The following RTL4 variants were observed in gnomAD, a reference collection of about 807,000 sequenced individuals.
The protein encoded by RTL4 is retrotransposon Gag like 4, also known as retrotransposon Gag-like protein 4.
A neutral mutation model predicts 5.3 loss-of-function variants in RTL4; 4 were observed. The observed-to-expected ratio is 0.75, with a 90% CI of 0.37 to 1.72. The LOEUF (loss-of-function observed/expected upper bound fraction) is 1.72. Among genes scored for constraint, RTL4 ranks in the 40% most tolerant of loss-of-function variants. The pLI, the probability that RTL4 is intolerant of heterozygous loss-of-function variation, is 0.04. For missense variants in RTL4, 260 were observed against 227.1 expected (o/e 1.14, Z -0.93); for synonymous variants, 98 against 87.3 (o/e 1.12, Z -0.68).
At chrX:112,390,150 T>C in the RTL4 span, among the ~76,000 whole-genome samples, 1 of 53,466 alleles carries the variant, frequency 1.9e-5, no homozygotes, top group East Asian at 6.4e-4. Flanking sequence ...TATATATATA[T>C]ATATATATAT....
At chrX:112,164,516 C>T in the RTL4 span, among the ~76,000 whole-genome samples, 1 of 112,417 alleles carries the variant, frequency 8.9e-6, no homozygotes, top group African/African-American at 3.2e-5. Context: ...TGGTTTCTCT[C>T]TGACTTTCCC....
chrX:112,373,950 T>C, the RTL4 span, among the ~76,000 whole-genome samples: 1 of 111,151 alleles, frequency 9.0e-6, no homozygotes, highest in African/African-American at 3.3e-5. Flanking sequence ...ATCCATGTTT[T>C]ATCAGTAGTT....
the RTL4 span, among the ~76,000 whole-genome samples, chrX:112,191,103 G>A: frequency 8.9e-6 from 1 of 112,397 alleles, no homozygotes; most frequent in Non-Finnish European, 1.9e-5. Context: ...CAATGAACTA[G>A]TGAGTGGCAA....
the RTL4 span, among the ~76,000 whole-genome samples, chrX:112,103,755 A>C: frequency 4.5e-5 from 5 of 110,727 alleles, no homozygotes; most frequent in Non-Finnish European, 9.5e-5. Context: ...ATTATTATTT[A>C]TTATTTATTT....
At chrX:112,306,940 T>G in the RTL4 span, among the ~76,000 whole-genome samples, 1 of 111,334 alleles carries the variant, frequency 9.0e-6, no homozygotes, top group Non-Finnish European at 1.9e-5. Flanking sequence ...CTTCCTGACC[T>G]CCTCTCAGGA....
chrX:112,362,593 T>C, the RTL4 span, among the ~76,000 whole-genome samples: 1 of 111,093 alleles, frequency 9.0e-6, no homozygotes, highest in Admixed American at 9.6e-5. Context: ...ACAGTGCAGC[T>C]GGAGCAAAAT....
chrX:112,124,960 G>A, the RTL4 span, among the ~76,000 whole-genome samples: 1 of 110,930 alleles, frequency 9.0e-6, no homozygotes, highest in African/African-American at 3.3e-5. Flanking sequence ...GAGTGCAGTG[G>A]TGCGATCTCA....
chrX:112,147,839 G>C, the RTL4 span, among the ~76,000 whole-genome samples: 6 of 111,438 alleles, frequency 5.4e-5, no homozygotes, highest in African/African-American at 1.6e-4. Flanking sequence ...TACTTGGGAG[G>C]CTGAGGCAGG....
the RTL4 span, among the ~76,000 whole-genome samples, chrX:112,127,381 G>T: frequency 9.0e-6 from 1 of 110,582 alleles, no homozygotes; most frequent in Non-Finnish European, 1.9e-5. Context: ...AACCATTCAT[G>T]ATTCCAAAAA....
the RTL4 span, among the ~76,000 whole-genome samples, chrX:112,286,413 G>A: frequency 1.8e-5 from 2 of 111,403 alleles, no homozygotes; most frequent in Admixed American, 1.9e-4. Flanking sequence ...TCATTGTAAG[G>A]TTTTGAGCAG....
At chrX:112,455,016 C>G (rs1367486211) in exon 1 of RTL4, 1 of 1,211,736 alleles carries the variant, frequency 8.3e-7, no homozygotes, top group Non-Finnish European at 1.1e-6. Flanking sequence ...ATGCCCAGAT[C>G]AAACTCTTTT....
At chrX:112,384,710 ATTAAAT>A in the RTL4 span, among the ~76,000 whole-genome samples, 8 of 111,707 alleles carry the variant, frequency 7.2e-5, no homozygotes, top group African/African-American at 2.6e-4. Flanking sequence ...TTGATTCCAT[ATTAAAT>A]TTAAAGTAGT....
At chrX:112,415,840 A>G in the RTL4 span, among the ~76,000 whole-genome samples, 1 of 111,869 alleles carries the variant, frequency 8.9e-6, no homozygotes, top group Middle Eastern at 4.6e-3. Flanking sequence ...TGACAGAACC[A>G]GGATTTGAAC....
At chrX:112,306,058 G>C in the RTL4 span, among the ~76,000 whole-genome samples, 2 of 111,385 alleles carry the variant, frequency 1.8e-5, no homozygotes, top group Non-Finnish European at 3.8e-5. Flanking sequence ...GGGATATGCA[G>C]AGATTATTCC....
At chrX:112,205,614 C>T in the RTL4 span, among the ~76,000 whole-genome samples, 2 of 111,228 alleles carry the variant, frequency 1.8e-5, no homozygotes, top group African/African-American at 6.5e-5. Context: ...TGTACACACA[C>T]ACACACACAC....
At chrX:112,363,362 A>C in the RTL4 span, among the ~76,000 whole-genome samples, 6 of 111,392 alleles carry the variant, frequency 5.4e-5, no homozygotes, top group Admixed American at 5.7e-4. Flanking sequence ...ATTAAGGCCC[A>C]GAGGACAACT....
chrX:112,318,041 AT>A, the RTL4 span, among the ~76,000 whole-genome samples: 1 of 112,123 alleles, frequency 8.9e-6, no homozygotes, highest in Non-Finnish European at 1.9e-5. Flanking sequence ...CAAAATATTT[AT>A]TGATCATCGT....
chrX:112,339,409 A>G, the RTL4 span, among the ~76,000 whole-genome samples: 4,890 of 112,057 alleles, frequency 0.044, 268 homozygotes, highest in African/African-American at 0.15. Context: ...CAGAAAGGAA[A>G]GTTCAGAGCA....
the RTL4 span, among the ~76,000 whole-genome samples, chrX:112,160,078 G>A: frequency 1.8e-5 from 2 of 111,788 alleles, no homozygotes; most frequent in African/African-American, 6.5e-5. Context: ...TTATGTCCCC[G>A]AAGCAGAGGA....
Sources: allele counts gnomAD v4.1 joint callset (sites outside exome capture counted in the v4.1 genomes callset), GRCh38; gene constraint gnomAD v4.1.1; transcripts MANE v1.5; gene names NCBI Gene and HGNC (gene_info 2026-07-23, HGNC 2026-07-21).